CABLES2: variants seen among roughly 807,000 people sequenced by gnomAD.
CABLES2 encodes the protein CDK5 and ABL1 enzyme substrate 2.
A neutral mutation model predicts 44.8 loss-of-function variants in CABLES2; 35 were observed. The observed-to-expected ratio is 0.78, with a 90% CI of 0.60 to 1.04. CABLES2 has a LOEUF of 1.04. Among genes scored for constraint, CABLES2 ranks in the 50% least tolerant of loss-of-function variants. The pLI is 0.00. For synonymous variants in CABLES2, 282 were observed against 281.1 expected, an observed-to-expected ratio of 1.00 and a Z score of -0.03; for missense variants, 566 against 615.7, an observed-to-expected ratio of 0.92 and a Z score of 0.85.
At chr20:62,393,259 C>G (rs1987953349) in intron 6 of CABLES2, among the ~76,000 whole-genome samples, 181 bp downstream of exon 6, 1 of 152,270 alleles carries the variant, frequency 6.6e-6, no homozygotes, top group African/African-American at 2.4e-5. Context: ...CTGGCTCAGG[C>G]CAAGCCCAGG....
At chr20:62,398,118 G>A (rs1330352479) in intron 1 of CABLES2, among the ~76,000 whole-genome samples, 14 of 129,290 alleles carry the variant, frequency 1.1e-4, no homozygotes, top group South Asian at 5.6e-4. Context: ...GGTGGTGGTG[G>A]TGGTGGTTAT....
Position 62,396,722 on chromosome 20 carries a change from G to T in CABLES2, c.363-130C>A. 2 of 910,786 alleles carry T rather than the reference G, an allele frequency of 2.2e-6. No homozygotes were observed. The highest frequency in any genetic ancestry group is 3.0e-5 in the South Asian group (2 of 65,722). 56.4% of individuals were successfully genotyped at this position (910,786 alleles called of 1,614,324 possible). A position where few individuals can be genotyped will look rare whatever the true frequency, so the allele number is the denominator to read the frequency against. On this transcript the variant is annotated intron_variant, in intron 1 of 9. Coordinates refer to ENST00000279101, the MANE Select transcript of CABLES2 (RefSeq NM_031215.3). The surrounding 1 kb of genome is among the most constrained non-coding windows in gnomAD (Gnocchi z 5.7). Reference sequence around the variant, plus strand: ...GCCCAGCGGCGCACCCATGGGCCGAGGGGCTTCCAGAGCCCATGCAGACTG... The same window carrying T: ...GCCCAGCGGCGCACCCATGGGCCGATGGGCTTCCAGAGCCCATGCAGACTG...
At chr20:62,402,258 C>T (rs1375297103) in intron 1 of CABLES2, 2 of 152,260 alleles carry the variant, frequency 1.3e-5, no homozygotes, top group African/African-American at 4.8e-5. Context: ...ATTTATTAAA[C>T]ACTGTTTCTA....
At chr20:62,398,196 A>ATGGTGATGGTGG (rs1569017848) in intron 1 of CABLES2, among the ~76,000 whole-genome samples, 4 of 68,320 alleles carry the variant, frequency 5.9e-5, no homozygotes, top group African/African-American at 2.4e-4. Flanking sequence ...GATGGTGATG[A>ATGGTGATGGTGG]TGGTGGTGAT....
chr20:62,389,573 T>C lies in CABLES2; in HGVS notation c.*1398A>G, dbSNP rs6121396. ...TCTGCACAGAAAGCATAGGATGTAT[T>C]GTATTAATGGGCTAGAGACAAAGTC... On this transcript the variant is annotated 3_prime_UTR_variant, in exon 10 of 10. Coordinates refer to ENST00000279101, the MANE Select transcript of CABLES2 (RefSeq NM_031215.3). 0.1 allele frequency: 15,262 copies of C among 152,214 alleles called. 1,002 individuals are homozygous for C. Among genetic ancestry groups the C allele is most frequent in the African/African-American group, 0.18 (7,589 of 41,488 alleles). The allele number at this position is 152,214 out of a possible 1,614,324, so 9.4% of individuals were successfully genotyped here.
chr20:62,391,644 C>T lies in CABLES2; in HGVS notation c.1092-191G>A, dbSNP rs1331399707. On this transcript the variant is annotated intron_variant, in intron 8 of 9. Coordinates refer to ENST00000279101, the MANE Select transcript of CABLES2 (RefSeq NM_031215.3). This position sits in a 1 kb window ranked among gnomAD's most constrained non-coding sequence, Gnocchi z 5.7. ...CAGGGCAGGGCGCATGGGCAGGGAC[C>T]GGCAGGCTGGGTTTTGGCTTCCCCC... Among the ~76,000 whole-genome samples the T allele has an allele frequency of 1.3e-5, 2 of 152,144 alleles. No individual in the cohort carries two copies. Among genetic ancestry groups the T allele is most frequent in the Admixed American group, 6.5e-5 (1 of 15,268 alleles).
chr20:62,406,998 C>T lies in CABLES2; in HGVS notation c.279G>A (p.Leu93=). ...CCTGGGGCGCGGGGGTCCTGGCGGG[C>T]AGCCCGGTGGGGGGCTCCGGCGGCG... is the stretch of plus-strand genomic sequence containing the variant. ...APPPPEPPTG[L]PARTPAPQGL... is the part of the protein sequence containing the mutation. The change falls in exon 1 of 10, where the codon CTG becomes CTA. Residue 93 remains leucine, a synonymous_variant. Coordinates refer to ENST00000279101, the MANE Select transcript of CABLES2 (RefSeq NM_031215.3). 6.7e-6 allele frequency: 8 copies of T among 1,191,444 alleles called. No individual in the cohort carries two copies. The highest frequency in any genetic ancestry group is 8.3e-6 in the Non-Finnish European group (8 of 961,968). 73.8% of individuals were successfully genotyped at this position (1,191,444 alleles called of 1,614,324 possible).
rs754624110 is a variant in CABLES2, at chr20:62,396,636, G to A, written c.363-44C>T. 1.3e-6 allele frequency: 2 copies of A among 1,573,024 alleles called. No homozygotes were observed. The highest frequency in any genetic ancestry group is 4.6e-5 in the East Asian group (2 of 43,238). On this transcript the variant is annotated intron_variant, in intron 1 of 9. Coordinates refer to ENST00000279101, the MANE Select transcript of CABLES2 (RefSeq NM_031215.3). The surrounding 1 kb of genome is among the most constrained non-coding windows in gnomAD (Gnocchi z 5.7). ...GCCTCAAAACAGGCCACCAGCCCGG[G>A]TGCCGCCTTTGTGGCCAGAAACCGA...
intron 1 of CABLES2, among the ~76,000 whole-genome samples, chr20:62,398,222 G>GATGGTGGTGATGGTGATGGTGGTGA (rs1988112943): frequency 6.9e-6 from 1 of 144,338 alleles, no homozygotes; most frequent in African/African-American, 2.6e-5. Context: ...TGTGATGGTG[G>GATGGTGGTGATGGTGATGGTGGTGA]TGGTGGTGAC....
At position 62,391,926 on chromosome 20, in the gene CABLES2, G is replaced by T. The variant is rs1178186250; in HGVS notation, c.1091+463C>A. On this transcript the variant is annotated intron_variant, in intron 8 of 9. Transcript: ENST00000279101. This position sits in a 1 kb window ranked among gnomAD's most constrained non-coding sequence, Gnocchi z 5.7. ...CCAGCAGTTCCGCCGCCTTCTGCTC[G>T]CTTTCCTCCGGTCATGGGTCATCAG... Among the ~76,000 whole-genome samples the T allele has an allele frequency of 6.6e-6, 1 of 152,034 alleles. No individual in the cohort carries two copies. Among genetic ancestry groups the T allele is most frequent in the South Asian group, 2.1e-4 (1 of 4,810 alleles).
intron 1 of CABLES2, among the ~76,000 whole-genome samples, chr20:62,398,816 C>T (rs771909692): frequency 2.6e-4 from 39 of 152,248 alleles, no homozygotes; most frequent in African/African-American, 3.6e-4. Flanking sequence ...CACCAACACT[C>T]GACGGCTCAC....
rs748439067 is a variant in CABLES2 at position 62,391,277 on chromosome 20, C to G, written c.1268G>C (p.Arg423Pro). 8.7e-6 allele frequency: 14 copies of G among 1,612,166 alleles called. No homozygotes were observed. Among genetic ancestry groups the G allele is most frequent in the South Asian group, 1.1e-5 (1 of 91,082 alleles). Residue 423 changes from arginine to proline, a missense_variant, in exon 9 of 10, where the codon CGC becomes CCC. Arg to Pro is a moderately radical substitution (Grantham distance 103, BLOSUM62 -2). Coordinates refer to ENST00000279101, the MANE Select transcript of CABLES2 (RefSeq NM_031215.3). This position sits in a 1 kb window ranked among gnomAD's most constrained non-coding sequence, Gnocchi z 5.7. ...GATGAGCTGCGTCACGCCGCTCTTG[C>G]GCAGGTCACTGCTGATCTTGGCAGC... is the stretch of plus-strand genomic sequence containing the variant. ...LLAAKISSDL[R>P]KSGVTQLIDK...
chr20:62,391,173 G>GC lies in CABLES2; in HGVS notation c.1297-63dup. ...TTCCCTCTTCCACATTTCCCACCCG[G>GC]CCAGCCCCATCCCAGCAGTGGCCCT... On this transcript the variant is annotated intron_variant, in intron 9 of 9. Coordinates refer to ENST00000279101, the MANE Select transcript of CABLES2 (RefSeq NM_031215.3). This position sits in a 1 kb window ranked among gnomAD's most constrained non-coding sequence, Gnocchi z 5.7. The GC allele has an allele frequency of 6.2e-7, 1 of 1,604,900 alleles. No homozygotes were observed. Among genetic ancestry groups the GC allele is most frequent in the Non-Finnish European group, 8.5e-7 (1 of 1,173,292 alleles).
Position 62,392,472 on chromosome 20 carries a change from C to T in CABLES2, c.1008G>A (p.Lys336=), listed in dbSNP as rs1569014855. Residue 336 remains lysine, a synonymous_variant, in exon 8 of 10, where the codon AAG becomes AAA. Transcript: ENST00000279101. ...SYMTTVIEYV[K]PSDLKKDMNE... The stretch of plus-strand genomic sequence containing the variant: ...TCATGTCCTTTTTGAGGTCTGAGGG[C>T]TTCACGTATTCTATCACTGTGGTCT... 2.5e-6 allele frequency: 4 copies of T among 1,613,912 alleles called. No homozygotes were observed. In the African/African-American group the frequency reaches 4.0e-5, roughly 16 times the overall value.
intron 5 of CABLES2, 47 bp downstream of exon 5, chr20:62,394,110 G>T (rs1212078847): frequency 1.3e-6 from 2 of 1,495,598 alleles, no homozygotes; most frequent in African/African-American, 1.4e-5. Context: ...CCACCCGCCT[G>T]CCTGGCCCTG....
chr20:62,393,398 G>C, intron 6 of CABLES2, 42 bp downstream of exon 6: 1 of 1,546,832 alleles, frequency 6.5e-7, no homozygotes, highest in Non-Finnish European at 8.7e-7. Flanking sequence ...TAAGGCACGC[G>C]GGTCACCCTG....
At chr20:62,400,545 G>A (rs1988170101) in intron 1 of CABLES2, among the ~76,000 whole-genome samples, 1 of 152,230 alleles carries the variant, frequency 6.6e-6, no homozygotes, top group Non-Finnish European at 1.5e-5. Context: ...TGTGTGTCCT[G>A]ACCTACAAGG....
At chr20:62,398,050 TGATGGCGATGGTGGTGGTGAC>T (rs1237535512) in intron 1 of CABLES2, among the ~76,000 whole-genome samples, 3 of 141,806 alleles carry the variant, frequency 2.1e-5, no homozygotes, top group East Asian at 4.3e-4. Context: ...GTGATGGTGG[TGATGGCGATGGTGGTGGTGAC>T]GGTGGTGGTG....
intron 1 of CABLES2, among the ~76,000 whole-genome samples, chr20:62,398,014 C>CGGTGGTGGTGGT (rs113048661): frequency 9.5e-6 from 1 of 105,808 alleles, no homozygotes; most frequent in Non-Finnish European, 1.9e-5. Flanking sequence ...ATGGTTATGG[C>CGGTGGTGGTGGT]GGTGGTGGTG....
Sources: gnomAD v4.1 joint callset for allele counts (sites outside exome capture counted in the v4.1 genomes callset) on GRCh38, gnomAD v4.1.1 for gene constraint, Gnocchi (gnomAD v3.1) non-coding constraint, MANE v1.5 for transcripts, NCBI Gene and HGNC (gene_info 2026-07-23, HGNC 2026-07-21) for gene names.